The following EML4 variants were observed in gnomAD, a reference collection of about 807,000 sequenced individuals.
EML4 encodes EMAP like 4.
A neutral mutation model predicts 129.0 loss-of-function variants in EML4; 72 were observed. The observed-to-expected ratio is 0.56, with a 90% CI of 0.46 to 0.68. The LOEUF (loss-of-function observed/expected upper bound fraction) is 0.68, where lower values mean the gene tolerates loss of function less well. Among genes scored for constraint, EML4 ranks in the 30% least tolerant of loss-of-function variants. The pLI, the probability that EML4 is intolerant of heterozygous loss-of-function variation, is 0.00. For missense variants in EML4, 1,363 were observed against 1,190.6 expected, an observed-to-expected ratio of 1.14 and a Z score of -2.13; for synonymous variants, 532 against 405.0, an observed-to-expected ratio of 1.31 and a Z score of -3.77.
intron 6 of EML4, among the ~76,000 whole-genome samples, chr2:42,266,102 T>C (rs1444631664): frequency 1.3e-5 from 2 of 152,218 alleles, no homozygotes; most frequent in Admixed American, 1.3e-4. Context: ...TTTTAGAGAT[T>C]TAACTTGATT....
chr2:42,290,119 A>C (rs1199062858), intron 11 of EML4, among the ~76,000 whole-genome samples: 1 of 151,850 alleles, frequency 6.6e-6, no homozygotes, highest in Admixed American at 6.6e-5. Flanking sequence ...AACTTAATCA[A>C]AACAGAGGAT....
At chr2:42,200,067 T>G (rs1010184047) in intron 1 of EML4, among the ~76,000 whole-genome samples, 3 of 149,104 alleles carry the variant, frequency 2.0e-5, no homozygotes, top group Non-Finnish European at 4.4e-5. Flanking sequence ...CCCAGCACTT[T>G]GGGAGGCCAA....
At chr2:42,240,332 C>T (rs963113155) in intron 1 of EML4, among the ~76,000 whole-genome samples, 3 of 152,126 alleles carry the variant, frequency 2.0e-5, no homozygotes, top group African/African-American at 7.2e-5. Flanking sequence ...TTTTTATTTC[C>T]TCTTTTCTAA....
At chr2:42,258,703 A>G (rs1665517277) in intron 3 of EML4, among the ~76,000 whole-genome samples, 1 of 151,624 alleles carries the variant, frequency 6.6e-6, no homozygotes, top group African/African-American at 2.4e-5. Flanking sequence ...ACTGGCCAAA[A>G]TTGTATTTCT....
intron 2 of EML4, among the ~76,000 whole-genome samples, chr2:42,249,592 G>A (rs2104322730): frequency 6.6e-6 from 1 of 152,286 alleles, no homozygotes; most frequent in Admixed American, 6.5e-5. Context: ...AATGATGTGT[G>A]TGCTAAGGGC....
At chr2:42,278,233 T>C (rs951822280) in intron 6 of EML4, among the ~76,000 whole-genome samples, 1 of 152,106 alleles carries the variant, frequency 6.6e-6, no homozygotes, top group African/African-American at 2.4e-5. Context: ...AGAGGCAGGG[T>C]TAAGTCGGGG....
intron 1 of EML4, among the ~76,000 whole-genome samples, chr2:42,193,106 A>G (rs968045771): frequency 6.6e-6 from 1 of 152,146 alleles, no homozygotes; most frequent in African/African-American, 2.4e-5. Context: ...TTTCCATAAG[A>G]TTTTAATACT....
chr2:42,256,711 G>A, intron 3 of EML4, 81 bp downstream of exon 3: 1 of 1,516,714 alleles, frequency 6.6e-7, no homozygotes. Flanking sequence ...GAAAGAATAT[G>A]AAATAGAGCT....
At chr2:42,194,039 A>T (rs1030633367) in intron 1 of EML4, among the ~76,000 whole-genome samples, 5 of 152,096 alleles carry the variant, frequency 3.3e-5, no homozygotes, top group African/African-American at 9.7e-5. Flanking sequence ...TAGTTGCAGA[A>T]TTTCCCTTTT....
At chr2:42,275,085 G>T (rs1326413067) in intron 6 of EML4, among the ~76,000 whole-genome samples, 2 of 152,066 alleles carry the variant, frequency 1.3e-5, no homozygotes, top group African/African-American at 4.8e-5. Flanking sequence ...ACTGCCTAAT[G>T]GAAATACAAT....
At chr2:42,316,105 A>C in intron 18 of EML4, 55 bp downstream of exon 18, 1 of 1,214,790 alleles carries the variant, frequency 8.2e-7, no homozygotes. Context: ...CTTCACTGCA[A>C]TTGCATAGTT....
chr2:42,225,845 T>C (rs1673925586), intron 1 of EML4, among the ~76,000 whole-genome samples: 1 of 152,158 alleles, frequency 6.6e-6, no homozygotes, highest in Non-Finnish European at 1.5e-5. Flanking sequence ...TTTTCAGAAA[T>C]TTAAAAACTT....
intron 17 of EML4, 111 bp from the exon 18 acceptor site, chr2:42,315,851 C>T: frequency 1.4e-6 from 1 of 731,794 alleles, no homozygotes; most frequent in Non-Finnish European, 2.3e-6. Context: ...CCATGCACAC[C>T]AGCGTTATGA....
chr2:42,291,518 C>T (rs1667639473), intron 11 of EML4, among the ~76,000 whole-genome samples: 1 of 151,618 alleles, frequency 6.6e-6, no homozygotes, highest in Admixed American at 6.6e-5. Flanking sequence ...ATTCTTCCGC[C>T]TCAGCTTCCT....
chr2:42,229,343 G>T (rs889263417), intron 1 of EML4, among the ~76,000 whole-genome samples: 1 of 152,108 alleles, frequency 6.6e-6, no homozygotes, highest in Non-Finnish European at 1.5e-5. Context: ...ACTTGCCTGG[G>T]TATATAGTTA....
At chr2:42,301,816 TA>T (rs1268419293) in intron 14 of EML4, among the ~76,000 whole-genome samples, 3 of 152,122 alleles carry the variant, frequency 2.0e-5, no homozygotes, top group African/African-American at 7.2e-5. Flanking sequence ...AGATAGATAA[TA>T]AAGAGTTGCT....
intron 6 of EML4, among the ~76,000 whole-genome samples, chr2:42,273,512 A>AT (rs907112567): frequency 6.6e-6 from 1 of 152,192 alleles, no homozygotes; most frequent in Admixed American, 6.5e-5. Context: ...ATAAGAGTTG[A>AT]TTAACAGGTG....
chr2:42,319,208 C>G (rs954470942), intron 19 of EML4, among the ~76,000 whole-genome samples: 2 of 152,130 alleles, frequency 1.3e-5, no homozygotes, highest in Admixed American at 6.5e-5. Context: ...TCTACTAACT[C>G]TTAGTAGAGC....
chr2:42,182,981 C>T (rs537174829), intron 1 of EML4, among the ~76,000 whole-genome samples: 1 of 152,080 alleles, frequency 6.6e-6, no homozygotes, highest in African/African-American at 2.4e-5. Flanking sequence ...CAGCCCACTG[C>T]CTGTCTCTAC....
Sources: allele counts gnomAD v4.1 joint callset (sites outside exome capture counted in the v4.1 genomes callset), GRCh38; gene constraint gnomAD v4.1.1; transcripts MANE v1.5; gene names NCBI Gene and HGNC (gene_info 2026-07-23, HGNC 2026-07-21).